EIF2B3: variants seen among roughly 807,000 people sequenced by gnomAD.
EIF2B3 encodes the protein translation initiation factor eIF2B subunit gamma.
Under a neutral mutation model 54.1 loss-of-function variants are expected in EIF2B3, and 20 were observed. The observed-to-expected ratio is 0.37, with a 90% confidence interval of 0.26 to 0.54. The LOEUF is 0.54. Ranked by LOEUF, EIF2B3 falls within the 20% of genes least tolerant of loss-of-function variation. The pLI is 0.86. For missense variants in EIF2B3, 448 were observed against 547.8 expected (o/e 0.82, Z 1.82); for synonymous variants, 153 against 188.1 (o/e 0.81, Z 1.52).
chr1:44,851,107 C>T lies in EIF2B3; in HGVS notation c.1307-104G>A, dbSNP rs1231006842. On this transcript the variant is annotated intron_variant, in intron 11 of 11. Coordinates refer to ENST00000360403, the MANE Select transcript of EIF2B3 (RefSeq NM_020365.5). ...GAGACCGAGTTTCGCTCTTGTCACC[C>T]AGGCTGGAGTGCAGTGGCACAATCT... 3.5e-6 allele frequency: 4 copies of T among 1,138,998 alleles called. No homozygotes were observed. In the East Asian group the frequency reaches 9.7e-5, roughly 28 times the overall value. 70.6% of individuals were successfully genotyped at this position (1,138,998 alleles called of 1,614,324 possible). A position where few individuals can be genotyped will look rare whatever the true frequency, so the allele number is the denominator to read the frequency against.
At chr1:44,961,431 A>G (rs1001946661) in intron 3 of EIF2B3, among the ~76,000 whole-genome samples, 2 of 151,840 alleles carry the variant, frequency 1.3e-5, no homozygotes, top group Non-Finnish European at 2.9e-5. Context: ...TAATCCTAGC[A>G]CTTTAGGAGG....
In EIF2B3 at chr1:44,981,075, T is replaced by C; in HGVS notation, c.94A>G (p.Asn32Asp). 2 of 1,613,552 alleles carry C rather than the reference T, an allele frequency of 1.2e-6. No homozygotes were observed. The highest frequency in any genetic ancestry group is 1.1e-5 in the South Asian group (1 of 91,072). ...AATGGGTACCAAATTAAAGGTTTGT[T>C]CCCAACTGGAAGCAGAGGTTTGGGA... ...SIPKPLLPVG[N>D]KPLIWYPLNL... The change falls in exon 2 of 12, where the codon AAC becomes GAC. Residue 32 changes from asparagine (N) to aspartate (D), a missense_variant. Physicochemically the swap from Asn to Asp is conservative, Grantham distance 23 (BLOSUM62 1). Around this residue, in one of 3 missense-constraint regions of EIF2B3, gnomAD observed 95 missense variants for 115.7 expected, o/e 0.82. Transcript: ENST00000360403.
chr1:44,947,049 ACTT>A (rs1644110238), intron 3 of EIF2B3, among the ~76,000 whole-genome samples: 1 of 152,136 alleles, frequency 6.6e-6, no homozygotes, highest in Admixed American at 6.6e-5. Flanking sequence ...TCATGGACCC[ACTT>A]CTTTTCTAAT....
At chr1:44,858,420 G>A (rs1654504180) in intron 10 of EIF2B3, among the ~76,000 whole-genome samples, 1 of 151,802 alleles carries the variant, frequency 6.6e-6, no homozygotes, top group Non-Finnish European at 1.5e-5. Context: ...GAAACAATGG[G>A]CTCCCCACAC....
At chr1:44,967,750 A>AC (rs1320198657) in intron 3 of EIF2B3, among the ~76,000 whole-genome samples, 1 of 150,144 alleles carries the variant, frequency 6.7e-6, no homozygotes, top group East Asian at 2.0e-4. Context: ...AAAAAAAAAA[A>AC]AAAAAAAAAG....
intron 5 of EIF2B3, among the ~76,000 whole-genome samples, chr1:44,898,596 TAAAA>T (rs372079958): frequency 6.8e-6 from 1 of 146,102 alleles, no homozygotes; most frequent in South Asian, 2.2e-4. Flanking sequence ...GGAGTATGGT[TAAAA>T]AAAAAAAAGA....
intron 5 of EIF2B3, among the ~76,000 whole-genome samples, chr1:44,921,993 C>A (rs917522623): frequency 4.0e-5 from 6 of 151,438 alleles, no homozygotes; most frequent in Non-Finnish European, 7.4e-5. Flanking sequence ...CAGCTCACTG[C>A]AACCTCCATC....
At chr1:44,941,702 G>A in intron 3 of EIF2B3, 37 bp from the exon 4 acceptor site, 2 of 1,612,664 alleles carry the variant, frequency 1.2e-6, no homozygotes, top group Non-Finnish European at 8.5e-7. Context: ...ATATCATAAA[G>A]GACAATGGAT....
intron 2 of EIF2B3, among the ~76,000 whole-genome samples, chr1:44,979,445 T>C (rs929480861): frequency 8.0e-6 from 1 of 124,822 alleles, no homozygotes; most frequent in African/African-American, 3.1e-5. Flanking sequence ...AAGACCAGCC[T>C]GGGTAACGTG....
chr1:44,923,847 A>T (rs1643799389), intron 5 of EIF2B3, among the ~76,000 whole-genome samples: 1 of 151,140 alleles, frequency 6.6e-6, no homozygotes, highest in Non-Finnish European at 1.5e-5. Context: ...TCTGTCACCC[A>T]GCCTGGAGTG....
intron 5 of EIF2B3, among the ~76,000 whole-genome samples, chr1:44,898,940 C>T (rs1656071921): frequency 6.6e-6 from 1 of 152,144 alleles, no homozygotes. Flanking sequence ...AATCCCCCTA[C>T]CTCAGCCTCC....
chr1:44,929,229 G>A (rs970191626), intron 4 of EIF2B3, among the ~76,000 whole-genome samples: 1 of 152,158 alleles, frequency 6.6e-6, no homozygotes, highest in Non-Finnish European at 1.5e-5. Context: ...TTTAGCTCTA[G>A]GAAAAATGAG....
intron 6 of EIF2B3, among the ~76,000 whole-genome samples, chr1:44,888,001 C>CA (rs1557671581): frequency 6.6e-6 from 1 of 152,180 alleles, no homozygotes; most frequent in Non-Finnish European, 1.5e-5. Flanking sequence ...CCAAAAGAAA[C>CA]AGTCTGCAGC....
rs577568255 is a variant in EIF2B3, at chr1:44,961,702, T to A, written c.294+16613A>T. On this transcript the variant is annotated intron_variant, in intron 3 of 11. Coordinates refer to ENST00000360403, the MANE Select transcript of EIF2B3 (RefSeq NM_020365.5). ...ATCTCTGAATAGGATATATACTAAG[T>A]ATTCAACACATATTTGTTGAATAAG... is the stretch of plus-strand genomic sequence containing the variant. Among the ~76,000 whole-genome samples the A allele has an allele frequency of 3.9e-5, 6 of 152,332 alleles. No homozygotes were observed. In the East Asian group the frequency reaches 1.2e-3, roughly 29 times the overall value.
chr1:44,913,429 A>G (rs1184993141), intron 5 of EIF2B3, among the ~76,000 whole-genome samples: 3 of 151,916 alleles, frequency 2.0e-5, no homozygotes, highest in Non-Finnish European at 4.4e-5. Context: ...CTTTATGGAG[A>G]AAAAAAAGAA....
rs866504846 is a variant in EIF2B3, at chr1:44,944,041, G to A, written c.295-2376C>T. Among the ~76,000 whole-genome samples, 10 of 152,240 alleles carry A rather than the reference G, an allele frequency of 6.6e-5. No homozygotes were observed. In the South Asian group the frequency reaches 1.5e-3, roughly 22 times the overall value. On this transcript the variant is annotated intron_variant, in intron 3 of 11. Coordinates refer to ENST00000360403, the MANE Select transcript of EIF2B3 (RefSeq NM_020365.5). The stretch of plus-strand genomic sequence containing the variant: ...TGCCTATAGTCCCAGCTACTCGGGA[G>A]GCTGAGGCAGGAGAATTGCTTGAAC...
At chr1:44,959,054 G>A (rs928017332) in intron 3 of EIF2B3, 9 of 747,502 alleles carry the variant, frequency 1.2e-5, no homozygotes, top group African/African-American at 8.7e-5. Context: ...CTTATGGAAC[G>A]CCATCTTCAG....
chr1:44,949,738 G>A (rs1260670967), intron 3 of EIF2B3, among the ~76,000 whole-genome samples: 1 of 152,134 alleles, frequency 6.6e-6, no homozygotes, highest in African/African-American at 2.4e-5. Context: ...TGGAGGGCAC[G>A]GCTGAAGAAT....
chr1:44,961,299 A>G (rs963118856), intron 3 of EIF2B3, among the ~76,000 whole-genome samples: 1 of 148,218 alleles, frequency 6.7e-6, no homozygotes, highest in Non-Finnish European at 1.5e-5. Flanking sequence ...CCTGGGCAAC[A>G]GAGTGAGACC....
Sources: allele counts gnomAD v4.1 joint callset (sites outside exome capture counted in the v4.1 genomes callset), GRCh38; gene constraint gnomAD v4.1.1; regional missense constraint gnomAD v4.1.1; transcripts MANE v1.5; gene names NCBI Gene and HGNC (gene_info 2026-07-23, HGNC 2026-07-21).